Variants in STK24 observed in about 807,000 individuals in gnomAD.
The protein encoded by STK24 is serine/threonine kinase 24, also known as serine/threonine-protein kinase 24.
A neutral mutation model predicts 55.6 loss-of-function variants in STK24; 21 were observed. The ratio of observed to expected loss-of-function variants is 0.38; its 90% CI spans 0.27 to 0.54. The LOEUF (loss-of-function observed/expected upper bound fraction) is 0.54, where lower values mean the gene tolerates loss of function less well. Ranked by LOEUF, STK24 falls within the 20% of genes least tolerant of loss-of-function variation. STK24 has a pLI of 0.79. For missense variants in STK24, 383 were observed against 538.4 expected (o/e 0.71, Z 2.86); for synonymous variants, 200 against 215.2 (o/e 0.93, Z 0.62).
In STK24 at chr13:98,543,025, A is replaced by T. The variant is rs932222910; in HGVS notation, c.43-23552T>A. ...AGCTAGCGTGGACCTGGAAGGCCCA[A>T]AGACTGAAGCCTCCGGGGGCTTACA... On this transcript the variant is annotated intron_variant, in intron 1 of 10. Coordinates refer to ENST00000539966, the MANE Select transcript of STK24 (RefSeq NM_001032296.4). 1.1e-5 allele frequency: 11 copies of T among 985,330 alleles called. No individual in the cohort carries two copies. In the African/African-American group the frequency reaches 1.6e-4, roughly 14 times the overall value. The allele number at this position is 985,330 out of a possible 1,614,324, so 61.0% of individuals were successfully genotyped here.
rs2139381437 is a variant in STK24 at position 98,519,239 on chromosome 13, T to A, written c.273+4A>T. Reference sequence around the variant, plus strand: ...ACGGAGAAGCACGTTATTTTAAGCCTTACCTTCAGATAGGATCCATAATAT... The same window carrying A: ...ACGGAGAAGCACGTTATTTTAAGCCATACCTTCAGATAGGATCCATAATAT... On this transcript the variant is annotated splice_donor_region_variant and intron_variant, in intron 2 of 10. Transcript: ENST00000539966. 6.2e-7 allele frequency: 1 copy of A among 1,612,458 alleles called. No individual in the cohort carries two copies. Among genetic ancestry groups the A allele is most frequent in the Middle Eastern group, 1.7e-4 (1 of 5,992 alleles).
rs139037623 is a variant in STK24 at position 98,448,034 on chromosome 13, C to T, written c.*5139G>A. 1.7e-6 allele frequency: 1 copy of T among 599,458 alleles called. No homozygotes were observed. Among genetic ancestry groups the T allele is most frequent in the Non-Finnish European group, 3.0e-6 (1 of 333,354 alleles). The allele number at this position is 599,458 out of a possible 1,614,324, so 37.1% of individuals were successfully genotyped here. On this transcript the variant is annotated 3_prime_UTR_variant, in exon 11 of 11. Transcript: ENST00000539966. ...GCAGCAAGGTACTTCCAGCTCCACA[C>T]TGAGTGAGTGCCCAGGCCAGTGGGT...
intron 5 of STK24, among the ~76,000 whole-genome samples, chr13:98,467,517 C>T (rs1299404876): frequency 6.6e-6 from 1 of 151,996 alleles, no homozygotes; most frequent in Non-Finnish European, 1.5e-5. Flanking sequence ...ACAGTCCTGT[C>T]CCCAGTCTCC....
At chr13:98,499,407 G>A (rs58830044) in intron 2 of STK24, among the ~76,000 whole-genome samples, 1,588 of 152,302 alleles carry the variant, frequency 0.01, 26 homozygotes, top group African/African-American at 0.035. Context: ...CCCTCCTGGT[G>A]TGTTCCCACT....
At position 98,569,626 on chromosome 13, in the gene STK24, C is replaced by T. The variant is rs1423358561; in HGVS notation, c.42+7119G>A. On this transcript the variant is annotated intron_variant, in intron 1 of 10. Coordinates refer to ENST00000539966, the MANE Select transcript of STK24 (RefSeq NM_001032296.4). ...GTGCTGGGATGAATGAGAAGCATTA[C>T]CAAAAGAAAAGAAATCTGATCAGTA... Among the ~76,000 whole-genome samples, 9 of 151,948 alleles carry T rather than the reference C, an allele frequency of 5.9e-5. 1 individual carries two copies. Among genetic ancestry groups the T allele is most frequent in the Admixed American group, 5.9e-4 (9 of 15,254 alleles).
At chr13:98,474,717 G>A in intron 5 of STK24, 104 bp downstream of exon 5, 1 of 1,419,958 alleles carries the variant, frequency 7.0e-7, no homozygotes, top group Non-Finnish European at 9.5e-7. Context: ...CTACCTCAAG[G>A]TACCAGCTTC....
In STK24 at chr13:98,446,873, A is replaced by C. The variant is rs1594552767; in HGVS notation, c.*6300T>G. 1.9e-6 allele frequency: 3 copies of C among 1,583,412 alleles called. No individual in the cohort carries two copies. The East Asian group carries it at 6.7e-5, about 36-fold the overall frequency. On this transcript the variant is annotated 3_prime_UTR_variant, in exon 11 of 11. Coordinates refer to ENST00000539966, the MANE Select transcript of STK24 (RefSeq NM_001032296.4). ...TGCAGAAGAGGACCCCCTCTTCCAA[A>C]CATCAGGATTTCTCCCAAGTCAGCG...
Position 98,460,445 on chromosome 13 carries a change from G to C in STK24, c.1054-5C>G. 2.5e-6 allele frequency: 4 copies of C among 1,611,836 alleles called. No homozygotes were observed. Among genetic ancestry groups the C allele is most frequent in the Non-Finnish European group, 3.4e-6 (4 of 1,178,694 alleles). On this transcript the variant is annotated splice_polypyrimidine_tract_variant and splice_region_variant and intron_variant, in intron 8 of 10. Transcript: ENST00000539966. ...CCTCTTCGGGATGTCTTTCATCTTGGGGGAGAGGGAAAAAAAGGTCATCAG... is the reference window on the plus strand; with the variant it reads ...CCTCTTCGGGATGTCTTTCATCTTGCGGGAGAGGGAAAAAAAGGTCATCAG...
intron 1 of STK24, among the ~76,000 whole-genome samples, chr13:98,564,583 C>T (rs150719397): frequency 2.0e-5 from 3 of 152,164 alleles, no homozygotes; most frequent in South Asian, 2.1e-4. Flanking sequence ...TTTAGGCTGG[C>T]GTCTACATCT....
intron 1 of STK24, among the ~76,000 whole-genome samples, chr13:98,539,409 T>A (rs1019787655): frequency 6.6e-6 from 1 of 152,176 alleles, no homozygotes; most frequent in African/African-American, 2.4e-5. Context: ...AAAAAAAGAA[T>A]CAAATCCTTT....
chr13:98,470,563 A>G (rs1390648955), intron 5 of STK24, among the ~76,000 whole-genome samples: 1 of 152,234 alleles, frequency 6.6e-6, no homozygotes, highest in African/African-American at 2.4e-5. Flanking sequence ...CTCACAGAGA[A>G]AACAAACAGT....
At chr13:98,479,459 C>T (rs1392307906) in intron 3 of STK24, among the ~76,000 whole-genome samples, 2 of 152,112 alleles carry the variant, frequency 1.3e-5, no homozygotes, top group African/African-American at 2.4e-5. Flanking sequence ...ACCTGGAGAG[C>T]GGAAAAGGTG....
rs754261999 is a variant in STK24, at chr13:98,467,920, G to C, written c.598-1359C>G. Among the ~76,000 whole-genome samples the C allele has an allele frequency of 2.7e-4, 41 of 152,336 alleles. No homozygotes were observed. In the Middle Eastern group the frequency reaches 0.01, roughly 38 times the overall value. ...ATATGGGCTGGCGAAAGACGAATGG[G>C]GACTGGGGTAGAGAACACGCCTGAG... On this transcript the variant is annotated intron_variant, in intron 5 of 10. Coordinates refer to ENST00000539966, the MANE Select transcript of STK24 (RefSeq NM_001032296.4).
chr13:98,568,400 A>C (rs1897644941), intron 1 of STK24, among the ~76,000 whole-genome samples: 1 of 152,168 alleles, frequency 6.6e-6, no homozygotes, highest in Admixed American at 6.5e-5. Flanking sequence ...AGAGCCTCAA[A>C]GTCAGCCACA....
rs1892928985 is a variant in STK24, at chr13:98,447,567, C to T, written c.*5606G>A. 1.3e-5 allele frequency: 2 copies of T among 152,564 alleles called. No individual in the cohort carries two copies. The highest frequency in any genetic ancestry group is 6.5e-5 in the Admixed American group (1 of 15,302). The allele number at this position is 152,564 out of a possible 1,614,324, so 9.5% of individuals were successfully genotyped here. ...CAGGATGTTCAGCGGCATCCCTGGCCACCCACTAGATGCCCGCAGCAACCC... is the reference window on the plus strand; with the variant it reads ...CAGGATGTTCAGCGGCATCCCTGGCTACCCACTAGATGCCCGCAGCAACCC... On this transcript the variant is annotated 3_prime_UTR_variant, in exon 11 of 11. Coordinates refer to ENST00000539966, the MANE Select transcript of STK24 (RefSeq NM_001032296.4).
chr13:98,565,840 C>T (rs1403549907), intron 1 of STK24, among the ~76,000 whole-genome samples: 1 of 152,180 alleles, frequency 6.6e-6, no homozygotes, highest in African/African-American at 2.4e-5. Flanking sequence ...AAGTCCAAGT[C>T]ACCGCCCCCC....
chr13:98,513,412 T>C (rs1895951318), intron 2 of STK24, among the ~76,000 whole-genome samples: 1 of 152,216 alleles, frequency 6.6e-6, no homozygotes, highest in Non-Finnish European at 1.5e-5. Context: ...GGAGCCATCC[T>C]GTGGACGTGA....
intron 2 of STK24, among the ~76,000 whole-genome samples, chr13:98,487,156 C>T (rs937353895): frequency 1.3e-5 from 2 of 152,298 alleles, no homozygotes; most frequent in South Asian, 2.1e-4. Context: ...ATGGCAGGAG[C>T]GTCTGAGTGG....
intron 1 of STK24, among the ~76,000 whole-genome samples, chr13:98,568,141 C>T (rs963203656): frequency 6.6e-6 from 1 of 151,966 alleles, no homozygotes; most frequent in Admixed American, 6.6e-5. Context: ...GGATTACAGG[C>T]GTGTATCATC....
Sources: gnomAD v4.1 joint callset for allele counts (sites outside exome capture counted in the v4.1 genomes callset) on GRCh38, gnomAD v4.1.1 for gene constraint, MANE v1.5 for transcripts, NCBI Gene and HGNC (gene_info 2026-07-23, HGNC 2026-07-21) for gene names.